Variants in CLDN16 observed in about 807,000 individuals in gnomAD.
CLDN16 encodes the protein claudin 16.
Under a neutral mutation model 24.6 loss-of-function variants are expected in CLDN16, and 13 were observed. That is an observed-to-expected ratio of 0.53 (90% CI 0.34 to 0.84). The LOEUF (loss-of-function observed/expected upper bound fraction) is 0.84, where lower values mean the gene tolerates loss of function less well. CLDN16 is among the 40% of genes least tolerant of loss of function. The pLI is 0.01. For missense variants in CLDN16, 298 were observed against 292.7 expected, an observed-to-expected ratio of 1.02 and a Z score of -0.13; for synonymous variants, 116 against 106.7, an observed-to-expected ratio of 1.09 and a Z score of -0.54.
intron 3 of CLDN16, among the ~76,000 whole-genome samples, chr3:190,376,102 C>T (rs950646057): frequency 2.5e-4 from 38 of 151,950 alleles, no homozygotes; most frequent in African/African-American, 7.7e-4. Flanking sequence ...GTTTGAGGCA[C>T]AATTCTCAAA....
intron 4 of CLDN16, among the ~76,000 whole-genome samples, chr3:190,409,099 G>A (rs1057291469): frequency 1.3e-5 from 2 of 150,976 alleles, no homozygotes; most frequent in Admixed American, 1.3e-4. Context: ...TAATTCAGTT[G>A]CCCTTGAACA....
the CLDN16 span, among the ~76,000 whole-genome samples, chr3:190,293,601 C>T: frequency 1.3e-5 from 2 of 152,114 alleles, no homozygotes; most frequent in Admixed American, 6.5e-5. Flanking sequence ...ATCAATAGTT[C>T]AAATGAGGGA....
At chr3:190,349,140 T>A (rs1031384120) in intron 1 of CLDN16, among the ~76,000 whole-genome samples, 6 of 152,128 alleles carry the variant, frequency 3.9e-5, no homozygotes, top group Admixed American at 3.3e-4. Context: ...CTGGTATGGT[T>A]TTTGTGTCCC....
intron 1 of CLDN16, among the ~76,000 whole-genome samples, chr3:190,332,164 T>C (rs1458714941): frequency 5.3e-5 from 8 of 152,210 alleles, no homozygotes; most frequent in Admixed American, 2.0e-4. Flanking sequence ...AAGACATGTA[T>C]ATATTTGGCA....
intron 2 of CLDN16, among the ~76,000 whole-genome samples, chr3:190,372,067 T>C (rs1718154379): frequency 6.6e-6 from 1 of 151,976 alleles, no homozygotes; most frequent in Non-Finnish European, 1.5e-5. Flanking sequence ...TCAGGTCCCA[T>C]GCCCTGTCTC....
At chr3:190,318,813 G>A (rs1192790183), upstream of CLDN16, among the ~76,000 whole-genome samples, 1 of 152,178 alleles carries the variant, frequency 6.6e-6, no homozygotes, top group African/African-American at 2.4e-5. Flanking sequence ...GACTGTCCAC[G>A]TCAGTGATTT....
the CLDN16 span, among the ~76,000 whole-genome samples, chr3:190,290,950 A>C: frequency 5.3e-5 from 8 of 152,324 alleles, no homozygotes; most frequent in Non-Finnish European, 1.2e-4. Flanking sequence ...GGTGATAAGA[A>C]TTATGAAGAA....
chr3:190,391,440 T>C (rs1284563440), intron 1 of CLDN16, among the ~76,000 whole-genome samples: 1 of 152,060 alleles, frequency 6.6e-6, no homozygotes, highest in African/African-American at 2.4e-5. Context: ...AAAGCATAAA[T>C]AAATTCATAT....
chr3:190,361,996 C>CACCTGGTCTAACCAGTCTAACCTGGTCTA (rs1560087636), intron 1 of CLDN16, among the ~76,000 whole-genome samples: 45 of 139,242 alleles, frequency 3.2e-4, no homozygotes, highest in African/African-American at 1.1e-3. Flanking sequence ...ACAAATGGCA[C>CACCTGGTCTAACCAGTCTAACCTGGTCTA]ACCTGGTCTA....
the CLDN16 span, among the ~76,000 whole-genome samples, chr3:190,299,021 A>C: frequency 3.3e-5 from 5 of 152,196 alleles, no homozygotes; most frequent in African/African-American, 1.2e-4. Flanking sequence ...GTATAATGTT[A>C]GTATTCCTTT....
At chr3:190,320,066 G>A (rs1005210032), upstream of CLDN16, among the ~76,000 whole-genome samples, 3 of 146,428 alleles carry the variant, frequency 2.0e-5, no homozygotes, top group Non-Finnish European at 4.5e-5. Context: ...CATCTCTAAA[G>A]TGTGTGTGGG....
intron 1 of CLDN16, among the ~76,000 whole-genome samples, chr3:190,364,840 C>T (rs1320023194): frequency 1.3e-5 from 2 of 148,338 alleles, no homozygotes; most frequent in African/African-American, 2.5e-5. Context: ...TTTTTTTTTT[C>T]GAGGTGATTA....
intron 1 of CLDN16, among the ~76,000 whole-genome samples, chr3:190,328,274 T>G (rs886116896): frequency 6.6e-6 from 1 of 152,098 alleles, no homozygotes; most frequent in Non-Finnish European, 1.5e-5. Context: ...GAGTGAGACC[T>G]GTCACACACA....
intron 3 of CLDN16, among the ~76,000 whole-genome samples, chr3:190,405,479 A>G (rs891722348): frequency 2.2e-4 from 33 of 151,550 alleles, no homozygotes; most frequent in Middle Eastern, 3.4e-3. Flanking sequence ...CTCTAAAACT[A>G]TGTTTTGGCC....
At chr3:190,364,466 C>A (rs1717975701) in intron 1 of CLDN16, among the ~76,000 whole-genome samples, 1 of 151,864 alleles carries the variant, frequency 6.6e-6, no homozygotes, top group African/African-American at 2.4e-5. Context: ...TAGCTCTGGC[C>A]AAATGGTTCC....
chr3:190,308,522 C>A, the CLDN16 span: 1 of 1,295,442 alleles, frequency 7.7e-7, no homozygotes, highest in African/African-American at 1.5e-5. Context: ...AAAATCAATA[C>A]TCATTGTATT....
At chr3:190,342,336 G>C (rs193232327) in intron 1 of CLDN16, among the ~76,000 whole-genome samples, 1 of 152,142 alleles carries the variant, frequency 6.6e-6, no homozygotes, top group Non-Finnish European at 1.5e-5. Context: ...GAAGGTGAAA[G>C]GCACATCTCA....
intron 1 of CLDN16, among the ~76,000 whole-genome samples, chr3:190,398,820 A>C (rs953503313): frequency 6.6e-6 from 1 of 152,238 alleles, no homozygotes; most frequent in African/African-American, 2.4e-5. Context: ...TGAGGATCAA[A>C]AAAGGTAAGA....
At chr3:190,370,522 T>C (rs1718116191) in intron 1 of CLDN16, among the ~76,000 whole-genome samples, 1 of 151,968 alleles carries the variant, frequency 6.6e-6, no homozygotes, top group South Asian at 2.1e-4. Flanking sequence ...ATGCTTGTTG[T>C]GCATAACTTA....
Sources: allele counts gnomAD v4.1 joint callset (sites outside exome capture counted in the v4.1 genomes callset), GRCh38; gene constraint gnomAD v4.1.1; transcripts MANE v1.5; gene names NCBI Gene and HGNC (gene_info 2026-07-23, HGNC 2026-07-21).